SAMTOR: variants seen among roughly 807,000 people sequenced by gnomAD.
SAMTOR encodes the protein UPF0532 protein C7orf60.
At chr7:112,889,143 G>A in the SAMTOR span, among the ~76,000 whole-genome samples, 2 of 152,084 alleles carry the variant, frequency 1.3e-5, no homozygotes, top group African/African-American at 2.4e-5. Context: ...TTTTTTCTAT[G>A]TCTATAATAT....
At chr7:112,922,670 C>T in the SAMTOR span, among the ~76,000 whole-genome samples, 3 of 149,882 alleles carry the variant, frequency 2.0e-5, no homozygotes, top group African/African-American at 7.4e-5. Flanking sequence ...AGGTGAGGAG[C>T]GTCTCTGCCC....
the SAMTOR span, among the ~76,000 whole-genome samples, chr7:112,935,853 C>A: frequency 6.6e-6 from 1 of 151,966 alleles, no homozygotes; most frequent in Non-Finnish European, 1.5e-5. Flanking sequence ...TAAAAGCAAT[C>A]ATTACAGGAA....
At chr7:112,879,415 T>TA in the SAMTOR span, among the ~76,000 whole-genome samples, 5 of 152,020 alleles carry the variant, frequency 3.3e-5, no homozygotes, top group Admixed American at 6.6e-5. Context: ...GACTTATTTT[T>TA]AAAAAACAGG....
At chr7:112,937,059 A>G in the SAMTOR span, among the ~76,000 whole-genome samples, 1 of 152,210 alleles carries the variant, frequency 6.6e-6, no homozygotes, top group Non-Finnish European at 1.5e-5. Flanking sequence ...ACTTATCTGT[A>G]AAATGAAGAA....
the SAMTOR span, among the ~76,000 whole-genome samples, chr7:112,894,488 T>A: frequency 6.6e-6 from 1 of 152,130 alleles, no homozygotes; most frequent in South Asian, 2.1e-4. Flanking sequence ...TCTCTGAGCC[T>A]GGGTAATTTA....
the SAMTOR span, among the ~76,000 whole-genome samples, chr7:112,885,285 C>G: frequency 6.6e-6 from 1 of 152,196 alleles, no homozygotes; most frequent in Admixed American, 6.5e-5. Context: ...TCCCCACTGT[C>G]TTGGTGATTC....
chr7:112,856,636 T>G, the SAMTOR span, among the ~76,000 whole-genome samples: 1 of 152,200 alleles, frequency 6.6e-6, no homozygotes, highest in Non-Finnish European at 1.5e-5. Context: ...GCATTCAAAA[T>G]TAACAACTTT....
At chr7:112,854,613 T>C in the SAMTOR span, among the ~76,000 whole-genome samples, 1 of 152,200 alleles carries the variant, frequency 6.6e-6, no homozygotes, top group Non-Finnish European at 1.5e-5. Flanking sequence ...TATTCTCTTT[T>C]TGAAAAGCTA....
chr7:112,841,708 T>C, the SAMTOR span, among the ~76,000 whole-genome samples: 1 of 152,128 alleles, frequency 6.6e-6, no homozygotes, highest in African/African-American at 2.4e-5. Context: ...CAAAACAGCA[T>C]GGTAGTGGTA....
the SAMTOR span, among the ~76,000 whole-genome samples, chr7:112,929,096 T>C: frequency 1.3e-5 from 2 of 151,932 alleles, no homozygotes; most frequent in Admixed American, 1.3e-4. Flanking sequence ...ATCCTAATTC[T>C]CCTTTTTAAA....
chr7:112,825,244 C>A, the SAMTOR span, among the ~76,000 whole-genome samples: 1 of 151,452 alleles, frequency 6.6e-6, no homozygotes, highest in Non-Finnish European at 1.5e-5. Context: ...CCAGGATGGT[C>A]TCGAACTTTT....
the SAMTOR span, among the ~76,000 whole-genome samples, chr7:112,882,416 T>C: frequency 6.6e-6 from 1 of 152,082 alleles, no homozygotes; most frequent in African/African-American, 2.4e-5. Flanking sequence ...CATTTCCAGG[T>C]GTAGTAGCTC....
chr7:112,827,484 T>C, the SAMTOR span, among the ~76,000 whole-genome samples: 3 of 152,286 alleles, frequency 2.0e-5, no homozygotes, highest in African/African-American at 7.2e-5. Flanking sequence ...TCAAGTGATA[T>C]TACACCACTT....
chr7:112,882,265 C>T, the SAMTOR span, among the ~76,000 whole-genome samples: 1 of 152,196 alleles, frequency 6.6e-6, no homozygotes, highest in Non-Finnish European at 1.5e-5. Flanking sequence ...GTAGCACAAG[C>T]TGATAACAAC....
chr7:112,858,889 A>G, the SAMTOR span, among the ~76,000 whole-genome samples: 3 of 152,222 alleles, frequency 2.0e-5, no homozygotes, highest in African/African-American at 7.2e-5. Context: ...TGTGATGATT[A>G]ATATTATGCA....
At chr7:112,825,442 T>C in the SAMTOR span, among the ~76,000 whole-genome samples, 1 of 152,244 alleles carries the variant, frequency 6.6e-6, no homozygotes, top group Non-Finnish European at 1.5e-5. Flanking sequence ...AAACATTTCA[T>C]ATTTTTGATG....
At chr7:112,865,366 C>T in the SAMTOR span, among the ~76,000 whole-genome samples, 1 of 152,044 alleles carries the variant, frequency 6.6e-6, no homozygotes, top group Non-Finnish European at 1.5e-5. Flanking sequence ...CAACCTCTGC[C>T]TCCTGGGTTC....
chr7:112,936,263 C>T, the SAMTOR span, among the ~76,000 whole-genome samples: 7 of 152,278 alleles, frequency 4.6e-5, no homozygotes, highest in South Asian at 2.1e-4. Context: ...AATACCCCTT[C>T]GCATCACCAC....
the SAMTOR span, among the ~76,000 whole-genome samples, chr7:112,824,401 C>T: frequency 6.6e-6 from 1 of 151,828 alleles, no homozygotes; most frequent in Non-Finnish European, 1.5e-5. Flanking sequence ...CACTCTGTTG[C>T]CCAGACTGGA....
Sources: allele counts gnomAD v4.1 joint callset (sites outside exome capture counted in the v4.1 genomes callset), GRCh38; gene constraint gnomAD v4.1.1; transcripts MANE v1.5; gene names NCBI Gene and HGNC (gene_info 2026-07-23, HGNC 2026-07-21).